ITPR2: variants seen among roughly 807,000 people sequenced by gnomAD.
The protein encoded by ITPR2 is inositol 1,4,5-trisphosphate-gated calcium channel ITPR2.
In ITPR2, 207 loss-of-function variants were observed where a neutral mutation model predicts 317.1. The ratio of observed to expected loss-of-function variants is 0.65; its 90% CI spans 0.58 to 0.73. ITPR2 has a LOEUF of 0.73. ITPR2 is among the 30% of genes least tolerant of loss of function. ITPR2 has a pLI of 0.00. For missense variants in ITPR2, 2,613 were observed against 3,284.0 expected (o/e 0.80, Z 4.99); for synonymous variants, 1,156 against 1,149.1 (o/e 1.01, Z -0.12).
At chr12:26,720,876 T>A (rs1264702699) in intron 5 of ITPR2, among the ~76,000 whole-genome samples, 1 of 152,224 alleles carries the variant, frequency 6.6e-6, no homozygotes, top group East Asian at 1.9e-4. Context: ...AATAAGCAGA[T>A]AGGATGAATT....
chr12:26,363,076 G>A (rs1938890900), intron 55 of ITPR2, among the ~76,000 whole-genome samples: 1 of 152,218 alleles, frequency 6.6e-6, no homozygotes, highest in Admixed American at 6.5e-5. Context: ...ATAGCAGGAA[G>A]TGAGTGGTAG....
intron 55 of ITPR2, among the ~76,000 whole-genome samples, chr12:26,347,683 C>T (rs1326701834): frequency 6.6e-6 from 1 of 152,210 alleles, no homozygotes; most frequent in Non-Finnish European, 1.5e-5. Context: ...AAAACAAAGA[C>T]TACAGTGAAT....
intron 52 of ITPR2, among the ~76,000 whole-genome samples, chr12:26,402,926 A>G (rs1412693021): frequency 6.6e-6 from 1 of 152,190 alleles, no homozygotes; most frequent in East Asian, 1.9e-4. Flanking sequence ...CTAGGAATAT[A>G]TGAGAGAAGG....
At position 26,486,987 on chromosome 12, in the gene ITPR2, C is replaced by T. The variant is rs183205164; in HGVS notation, c.5554+81G>A. 8.3e-5 allele frequency: 111 copies of T among 1,333,390 alleles called. No homozygotes were observed. The African/African-American group carries it at 9.5e-4, about 11-fold the overall frequency. The allele number at this position is 1,333,390 out of a possible 1,614,324, so 82.6% of individuals were successfully genotyped here. ...GATAATTAAACCAAGAGAAGAGAGACGAAAAATGTTAATGAGATTTAAACG... is the reference window on the plus strand; with the variant it reads ...GATAATTAAACCAAGAGAAGAGAGATGAAAAATGTTAATGAGATTTAAACG... On this transcript the variant is annotated intron_variant, in intron 40 of 56. Coordinates refer to ENST00000381340, the MANE Select transcript of ITPR2 (RefSeq NM_002223.4).
At chr12:26,374,311 T>C in intron 55 of ITPR2, among the ~76,000 whole-genome samples, 1 of 152,250 alleles carries the variant, frequency 6.6e-6, no homozygotes, top group East Asian at 1.9e-4. Flanking sequence ...GTGACTTGTC[T>C]AGGATCTGCC....
intron 22 of ITPR2, chr12:26,630,554 C>A (rs1323011700): frequency 6.6e-6 from 1 of 152,142 alleles, no homozygotes; most frequent in Non-Finnish European, 1.5e-5. Flanking sequence ...TCCTGAAGAG[C>A]CATTCCAAGA....
intron 2 of ITPR2, among the ~76,000 whole-genome samples, chr12:26,758,531 C>T (rs1424684626): frequency 6.6e-6 from 1 of 152,172 alleles, no homozygotes; most frequent in Non-Finnish European, 1.5e-5. Flanking sequence ...AAAATTCCAA[C>T]TTTATAATGT....
intron 55 of ITPR2, among the ~76,000 whole-genome samples, chr12:26,352,217 G>C (rs961402508): frequency 5.9e-5 from 9 of 152,216 alleles, no homozygotes; most frequent in Admixed American, 5.9e-4. Context: ...GCTCTTGCCT[G>C]AGATTTTCAT....
chr12:26,341,912 G>C (rs913685731), intron 55 of ITPR2, among the ~76,000 whole-genome samples: 5 of 152,210 alleles, frequency 3.3e-5, no homozygotes, highest in Non-Finnish European at 5.9e-5. Flanking sequence ...GAATGTGTGT[G>C]GTTCTAATAT....
At chr12:26,804,606 C>A (rs1399862919) in intron 1 of ITPR2, among the ~76,000 whole-genome samples, 2 of 152,050 alleles carry the variant, frequency 1.3e-5, no homozygotes, top group Admixed American at 1.3e-4. Flanking sequence ...TCATTTCCCT[C>A]GCTTATAGGC....
At chr12:26,407,533 G>C (rs1031554434) in intron 52 of ITPR2, among the ~76,000 whole-genome samples, 1 of 152,030 alleles carries the variant, frequency 6.6e-6, no homozygotes, top group Non-Finnish European at 1.5e-5. Flanking sequence ...TCATAAATAC[G>C]TAACAGAGAA....
In ITPR2 at chr12:26,338,088, T is replaced by G. The variant is rs1937978259; in HGVS notation, c.*1309A>C. On this transcript the variant is annotated 3_prime_UTR_variant, in exon 57 of 57. Coordinates refer to ENST00000381340, the MANE Select transcript of ITPR2 (RefSeq NM_002223.4). ...CTGTGGGGGAGAGGCCAGGTCAACT[T>G]GCAGAGTATCTCCCAGAGTCTGGTA... 6.6e-6 allele frequency: 1 copy of G among 152,178 alleles called. No homozygotes were observed. Among genetic ancestry groups the G allele is most frequent in the South Asian group, 2.1e-4 (1 of 4,828 alleles). 9.4% of individuals were successfully genotyped at this position (152,178 alleles called of 1,614,324 possible). A position where few individuals can be genotyped will look rare whatever the true frequency, so the allele number is the denominator to read the frequency against.
rs1433286041 is a variant in ITPR2 at position 26,833,052 on chromosome 12, C to T, written c.-271G>A. On this transcript the variant is annotated 5_prime_UTR_variant, in exon 1 of 57. Coordinates refer to ENST00000381340, the MANE Select transcript of ITPR2 (RefSeq NM_002223.4). ...GAAGCCGCAGCCGCCGCCGCCTCCC[C>T]GGCAGGTTTCCTGTTCCTTTCTGAA... is the stretch of plus-strand genomic sequence containing the variant. 9 of 444,060 alleles carry T rather than the reference C, an allele frequency of 2.0e-5. No homozygotes were observed. Among genetic ancestry groups the T allele is most frequent in the Non-Finnish European group, 3.5e-5 (9 of 253,834 alleles). 27.5% of individuals were successfully genotyped at this position (444,060 alleles called of 1,614,324 possible). A position where few individuals can be genotyped will look rare whatever the true frequency, so the allele number is the denominator to read the frequency against.
At chr12:26,399,126 T>C in intron 53 of ITPR2, 85 bp from the exon 54 acceptor site, 1 of 982,250 alleles carries the variant, frequency 1.0e-6, no homozygotes, top group Non-Finnish European at 1.4e-6. Context: ...CAATAAATGT[T>C]TGTGAAATGA....
At chr12:26,569,413 G>A (rs1945095699) in intron 34 of ITPR2, among the ~76,000 whole-genome samples, 1 of 151,838 alleles carries the variant, frequency 6.6e-6, no homozygotes, top group Non-Finnish European at 1.5e-5. Flanking sequence ...AATTAGCCGG[G>A]TGTGGCAGCA....
At chr12:26,624,497 G>T in intron 23 of ITPR2, 141 bp from the exon 24 acceptor site, 1 of 595,610 alleles carries the variant, frequency 1.7e-6, no homozygotes, top group South Asian at 2.5e-5. Flanking sequence ...CTAATAATCT[G>T]ATTTTAAAAT....
At chr12:26,554,829 A>G (rs1456094501) in intron 36 of ITPR2, among the ~76,000 whole-genome samples, 1 of 151,868 alleles carries the variant, frequency 6.6e-6, no homozygotes, top group East Asian at 1.9e-4. Flanking sequence ...ACAGGTGCAG[A>G]GTTCTCACAT....
At position 26,831,679 on chromosome 12, in the gene ITPR2, A is replaced by AAT. The variant is rs199932579; in HGVS notation, c.92+1009_92+1010dup. Among the ~76,000 whole-genome samples, 811 of 113,230 alleles carry AAT rather than the reference A, an allele frequency of 7.2e-3. 5 individuals are homozygous for AAT. Among genetic ancestry groups the AAT allele is most frequent in the Middle Eastern group, 9.3e-3 (2 of 214 alleles). The allele number at this position is 113,230 out of a possible 152,430, so 74.3% of individuals were successfully genotyped here. On this transcript the variant is annotated intron_variant, in intron 1 of 56. Transcript: ENST00000381340. The surrounding 1 kb of genome is among the most constrained non-coding windows in gnomAD (Gnocchi z 4.9). ...CATTTGGCACACTGTTTTATATATAAATATATATATATATTCTACATAAAA... is the reference window on the plus strand; with the variant it reads ...CATTTGGCACACTGTTTTATATATAAATATATATATATATATTCTACATAAAA...
chr12:26,632,490 T>G (rs1165395113), intron 21 of ITPR2, among the ~76,000 whole-genome samples: 1 of 152,210 alleles, frequency 6.6e-6, no homozygotes, highest in Non-Finnish European at 1.5e-5. Context: ...AGATATTGAA[T>G]TCCAGCATCA....
Sources: allele counts gnomAD v4.1 joint callset (sites outside exome capture counted in the v4.1 genomes callset), GRCh38; gene constraint gnomAD v4.1.1; non-coding constraint Gnocchi (gnomAD v3.1); transcripts MANE v1.5; gene names NCBI Gene and HGNC (gene_info 2026-07-23, HGNC 2026-07-21).